MARCHF1: variants seen among roughly 807,000 people sequenced by gnomAD.
MARCHF1 encodes the protein E3 ubiquitin-protein ligase MARCHF1.
Under a neutral mutation model 54.2 loss-of-function variants are expected in MARCHF1, and 40 were observed. The ratio of observed to expected loss-of-function variants is 0.74; its 90% CI spans 0.57 to 0.96. The LOEUF (loss-of-function observed/expected upper bound fraction) is 0.96. Among genes scored for constraint, MARCHF1 ranks in the 40% least tolerant of loss-of-function variants. MARCHF1 has a pLI of 0.00. For synonymous variants in MARCHF1, 236 were observed against 236.3 expected (o/e 1.00, Z 0.01); for missense variants, 586 against 656.5 (o/e 0.89, Z 1.17).
At chr4:164,140,700 G>A (rs970327618) in intron 1 of MARCHF1, among the ~76,000 whole-genome samples, 2 of 151,858 alleles carry the variant, frequency 1.3e-5, no homozygotes, top group African/African-American at 4.8e-5. Context: ...TCCTTTCTGT[G>A]CAGCAAGCAG....
chr4:164,220,660 A>G (rs1294627160), intron 1 of MARCHF1, among the ~76,000 whole-genome samples: 5 of 141,584 alleles, frequency 3.5e-5, no homozygotes, highest in African/African-American at 5.4e-5. Context: ...TATATGTAAT[A>G]TATATGCTAT....
chr4:164,258,848 T>G (rs894906134), intron 1 of MARCHF1, among the ~76,000 whole-genome samples: 5 of 152,120 alleles, frequency 3.3e-5, no homozygotes, highest in African/African-American at 1.2e-4. Flanking sequence ...GTTTTAATGA[T>G]GAAAAACAAT....
At chr4:164,334,423 C>G (rs1729673499) in intron 1 of MARCHF1, among the ~76,000 whole-genome samples, 1 of 152,076 alleles carries the variant, frequency 6.6e-6, no homozygotes, top group Non-Finnish European at 1.5e-5. Context: ...TCTAATCTTC[C>G]TATGCTCTAT....
intron 1 of MARCHF1, among the ~76,000 whole-genome samples, chr4:164,120,859 A>G (rs1025617041): frequency 2.6e-5 from 4 of 152,152 alleles, no homozygotes; most frequent in Admixed American, 6.6e-5. Context: ...GTTGATAGCT[A>G]TAAGTGCCTA....
At chr4:164,019,936 A>C (rs1303772840) in intron 2 of MARCHF1, among the ~76,000 whole-genome samples, 1 of 152,212 alleles carries the variant, frequency 6.6e-6, no homozygotes. Flanking sequence ...GAAAGAGTAG[A>C]ACCATGAGAT....
chr4:163,528,477 G>T lies in MARCHF1; in HGVS notation c.*271C>A. On this transcript the variant is annotated 3_prime_UTR_variant, in exon 10 of 10. Coordinates refer to ENST00000514618, the MANE Select transcript of MARCHF1 (RefSeq NM_001394959.1). Reference sequence around the variant, plus strand: ...TGATTACTGCCTAAAAGCATTCATTGCCCCAGTAGTTCTTAATTGTCTTGG... The same window carrying T: ...TGATTACTGCCTAAAAGCATTCATTTCCCCAGTAGTTCTTAATTGTCTTGG... 1 of 396,430 alleles carries T rather than the reference G, an allele frequency of 2.5e-6. No homozygotes were observed. The highest frequency in any genetic ancestry group is 4.3e-5 in the South Asian group (1 of 23,170). The allele number at this position is 396,430 out of a possible 1,614,324, so 24.6% of individuals were successfully genotyped here.
chr4:164,365,126 T>G (rs1730841174), intron 1 of MARCHF1, among the ~76,000 whole-genome samples: 1 of 152,030 alleles, frequency 6.6e-6, no homozygotes, highest in Admixed American at 6.6e-5. Context: ...AACAGATTCT[T>G]GGACTGAATG....
At chr4:163,877,886 T>C (rs1579359749) in intron 3 of MARCHF1, among the ~76,000 whole-genome samples, 1 of 152,188 alleles carries the variant, frequency 6.6e-6, no homozygotes, top group African/African-American at 2.4e-5. Context: ...ACACTCAGAA[T>C]GAAGCCAGAT....
At chr4:164,189,939 A>G (rs1731080182) in intron 1 of MARCHF1, 2 of 1,559,148 alleles carry the variant, frequency 1.3e-6, no homozygotes, top group African/African-American at 1.3e-5. Flanking sequence ...GAACAAAAAT[A>G]AGATCACAAT....
chr4:163,841,057 T>G (rs1225677540), intron 4 of MARCHF1, among the ~76,000 whole-genome samples: 1 of 152,140 alleles, frequency 6.6e-6, no homozygotes, highest in African/African-American at 2.4e-5. Flanking sequence ...GCACACACTG[T>G]ATTAAGATTA....
chr4:164,158,771 C>T (rs965260690), intron 1 of MARCHF1, among the ~76,000 whole-genome samples: 3 of 152,262 alleles, frequency 2.0e-5, no homozygotes, highest in South Asian at 4.1e-4. Flanking sequence ...AATTGCTATT[C>T]CTATTACCAC....
chr4:163,913,684 G>A (rs1751245002), intron 3 of MARCHF1, among the ~76,000 whole-genome samples: 2 of 152,150 alleles, frequency 1.3e-5, no homozygotes, highest in Admixed American at 1.3e-4. Flanking sequence ...GCCTTCCTCT[G>A]GATAGCCACT....
intron 3 of MARCHF1, among the ~76,000 whole-genome samples, chr4:163,885,674 C>G (rs984262310): frequency 1.3e-5 from 2 of 151,904 alleles, no homozygotes; most frequent in African/African-American, 2.4e-5. Flanking sequence ...TTGTTTTCAG[C>G]TTTACCTCAC....
chr4:163,790,837 A>G (rs139940142), intron 4 of MARCHF1, among the ~76,000 whole-genome samples: 1 of 152,214 alleles, frequency 6.6e-6, no homozygotes, highest in East Asian at 1.9e-4. Context: ...CAGAATTCCT[A>G]TAGCTGAGAG....
intron 1 of MARCHF1, among the ~76,000 whole-genome samples, chr4:164,190,519 G>A (rs565465812): frequency 1.1e-3 from 164 of 152,322 alleles, no homozygotes; most frequent in African/African-American, 3.5e-3. Flanking sequence ...ATGTCTTCAG[G>A]TAGGGGGCAG....
At chr4:163,731,473 G>A (rs1409244095) in intron 4 of MARCHF1, among the ~76,000 whole-genome samples, 1 of 152,180 alleles carries the variant, frequency 6.6e-6, no homozygotes, top group Non-Finnish European at 1.5e-5. Context: ...TCGCTGCCTG[G>A]AGAAAGTTTC....
chr4:163,821,271 CT>C (rs1484409055), intron 4 of MARCHF1, among the ~76,000 whole-genome samples: 1 of 151,962 alleles, frequency 6.6e-6, no homozygotes, highest in African/African-American at 2.4e-5. Context: ...ATTGTATTCA[CT>C]TTTGGCCCAA....
intron 3 of MARCHF1, among the ~76,000 whole-genome samples, chr4:163,987,951 T>C (rs1198200252): frequency 6.6e-6 from 1 of 152,204 alleles, no homozygotes; most frequent in Admixed American, 6.5e-5. Context: ...AATATAAATG[T>C]ACAGATATCA....
intron 2 of MARCHF1, chr4:164,055,409 A>C (rs1256395955): frequency 2.7e-5 from 4 of 150,160 alleles, no homozygotes; most frequent in Non-Finnish European, 5.9e-5. Context: ...GCGCCACTGC[A>C]CTCCAGCCTG....
Sources: allele counts gnomAD v4.1 joint callset (sites outside exome capture counted in the v4.1 genomes callset), GRCh38; gene constraint gnomAD v4.1.1; transcripts MANE v1.5; gene names NCBI Gene and HGNC (gene_info 2026-07-23, HGNC 2026-07-21).